Variants in ADAMTSL1 observed in about 807,000 individuals in gnomAD.
ADAMTSL1 encodes ADAMTS like 1, also known as ADAMTS-like protein 1.
A neutral mutation model predicts 201.8 loss-of-function variants in ADAMTSL1; 126 were observed. That is an observed-to-expected ratio of 0.62 (90% CI 0.54 to 0.72). The LOEUF (loss-of-function observed/expected upper bound fraction) is 0.72. ADAMTSL1 is among the 30% of genes least tolerant of loss of function. The probability of loss-of-function intolerance (pLI) is 0.00; values close to 1 mark genes in which losing one functional copy is unlikely to be tolerated. For synonymous variants in ADAMTSL1, 1,121 were observed against 903.4 expected (o/e 1.24, Z -4.32); for missense variants, 2,679 against 2,277.8 (o/e 1.18, Z -3.59).
At chr9:18,095,416 CTTTTTTTTTTTTTTTTT>C (rs35164794) in intron 1 of ADAMTSL1, among the ~76,000 whole-genome samples, 2 of 100,128 alleles carry the variant, frequency 2.0e-5, no homozygotes, top group Non-Finnish European at 4.0e-5. Flanking sequence ...TTCTTTCTTT[CTTTTTTTTTTTTTTTTT>C]TTTTTTTGAC....
At chr9:18,723,797 A>G (rs1817695758) in intron 15 of ADAMTSL1, 1 of 152,240 alleles carries the variant, frequency 6.6e-6, no homozygotes, top group South Asian at 2.1e-4. Context: ...TCCCCCTAAA[A>G]ATGATAATTG....
At chr9:17,951,427 G>A (rs1827723866) in intron 1 of ADAMTSL1, among the ~76,000 whole-genome samples, 2 of 152,092 alleles carry the variant, frequency 1.3e-5, no homozygotes, top group African/African-American at 2.4e-5. Flanking sequence ...CCAAGTGGTT[G>A]TATTCTTACC....
intron 4 of ADAMTSL1, among the ~76,000 whole-genome samples, chr9:18,589,482 C>G (rs943691634): frequency 2.0e-5 from 3 of 152,088 alleles, no homozygotes; most frequent in Admixed American, 2.0e-4. Context: ...GGGGAAAATT[C>G]TGGGGTTTTT....
intron 1 of ADAMTSL1, among the ~76,000 whole-genome samples, chr9:18,108,196 ATTTTTTT>A (rs5896770): frequency 0.057 from 7,220 of 125,590 alleles, 523 homozygotes; most frequent in African/African-American, 0.19. Flanking sequence ...AGAGTGTGGA[ATTTTTTT>A]TTTTTTTTTT....
chr9:18,123,714 G>A (rs1177196723), intron 1 of ADAMTSL1, among the ~76,000 whole-genome samples: 4 of 152,144 alleles, frequency 2.6e-5, no homozygotes, highest in Non-Finnish European at 5.9e-5. Flanking sequence ...CATAATTTTA[G>A]AACATTGCTG....
intron 2 of ADAMTSL1, among the ~76,000 whole-genome samples, chr9:18,311,478 A>G (rs954886707): frequency 2.0e-5 from 3 of 152,174 alleles, no homozygotes; most frequent in African/African-American, 7.2e-5. Flanking sequence ...CAAGGGTAGT[A>G]GCTGCCCAGT....
rs369227076 is a variant in ADAMTSL1 at position 17,907,665 on chromosome 9, C to G, written c.87+743C>G. Among the ~76,000 whole-genome samples the G allele has an allele frequency of 1.1e-3, 170 of 152,290 alleles. 2 individuals carry two copies. In the South Asian group the frequency reaches 0.014, roughly 13 times the overall value. ...GCGGAAGGGCCCTGGGAGAGGGTGT[C>G]TGATTAATTCAGTTTGCCTGGTAGT... is the stretch of plus-strand genomic sequence containing the variant. On this transcript the variant is annotated intron_variant, in intron 1 of 29. Coordinates refer to the ADAMTSL1 transcript ENST00000680146.
At chr9:17,929,076 C>T (rs1027503346) in intron 1 of ADAMTSL1, among the ~76,000 whole-genome samples, 2 of 151,924 alleles carry the variant, frequency 1.3e-5, no homozygotes, top group African/African-American at 4.8e-5. Context: ...TGGGTTAATG[C>T]CAATTAACCA....
At chr9:18,242,027 T>C (rs2132452667) in intron 2 of ADAMTSL1, among the ~76,000 whole-genome samples, 1 of 152,218 alleles carries the variant, frequency 6.6e-6, no homozygotes, top group Non-Finnish European at 1.5e-5. Flanking sequence ...CACCATCACC[T>C]TGATACCTAA....
chr9:17,954,263 C>G (rs1827844679), intron 1 of ADAMTSL1, among the ~76,000 whole-genome samples: 1 of 152,190 alleles, frequency 6.6e-6, no homozygotes, highest in Admixed American at 6.5e-5. Flanking sequence ...CACAAAGCTT[C>G]TTGTAACCTG....
At chr9:18,251,526 C>T (rs182251279) in intron 2 of ADAMTSL1, among the ~76,000 whole-genome samples, 1 of 152,066 alleles carries the variant, frequency 6.6e-6, no homozygotes, top group Admixed American at 6.6e-5. Flanking sequence ...AAATGCTTAT[C>T]CTTTAAAGTT....
Position 18,099,326 on chromosome 9 carries a change from AATATAT to A in ADAMTSL1, c.88-64511_88-64506del, listed in dbSNP as rs71333027. ...TGTTTTTGCTTTGCTGCAAATGGAA[AATATAT>A]ATATATATATATATATATATATATT... On this transcript the variant is annotated intron_variant, in intron 1 of 29. Coordinates refer to the ADAMTSL1 transcript ENST00000680146. Among the ~76,000 whole-genome samples the A allele has an allele frequency of 8.6e-3, 497 of 57,570 alleles. 24 individuals carry two copies. The highest frequency in any genetic ancestry group is 0.038 in the African/African-American group (470 of 12,398). 37.8% of individuals were successfully genotyped at this position (57,570 alleles called of 152,430 possible).
intron 2 of ADAMTSL1, among the ~76,000 whole-genome samples, chr9:18,369,993 C>G (rs1836969506): frequency 6.6e-6 from 1 of 151,994 alleles, no homozygotes; most frequent in East Asian, 1.9e-4. Context: ...ATAATAGATA[C>G]TGGGGGCTGG....
chr9:18,671,385 G>T (rs1193487043), intron 9 of ADAMTSL1, among the ~76,000 whole-genome samples: 1 of 152,180 alleles, frequency 6.6e-6, no homozygotes, highest in Admixed American at 6.5e-5. Flanking sequence ...AGCAGAGTAG[G>T]CTGGATTGAT....
intron 2 of ADAMTSL1, among the ~76,000 whole-genome samples, chr9:18,380,375 A>T (rs1254250534): frequency 6.6e-6 from 1 of 152,240 alleles, no homozygotes; most frequent in African/African-American, 2.4e-5. Flanking sequence ...TGAACGGAAG[A>T]TATGAAATAA....
At chr9:18,570,853 A>G (rs555414483) in intron 3 of ADAMTSL1, among the ~76,000 whole-genome samples, 55 of 152,336 alleles carry the variant, frequency 3.6e-4, no homozygotes, top group African/African-American at 1.3e-3. Flanking sequence ...GCTCATAAGC[A>G]TTATTCTTCT....
rs755289671 is a variant in ADAMTSL1, at chr9:18,777,373, G to A, written c.3144G>A (p.Ala1048=). 6.9e-6 allele frequency: 11 copies of A among 1,602,180 alleles called. No individual in the cohort carries two copies. The highest frequency in any genetic ancestry group is 3.4e-5 in the Admixed American group (2 of 58,502). The change falls in exon 19 of 29, where the codon GCG becomes GCA. Residue 1048 remains alanine, a synonymous_variant. Coordinates refer to ENST00000380548, the MANE Select transcript of ADAMTSL1 (RefSeq NM_001040272.6). ...LLASWEAQDS[A]ERNTTSEEDP... is the part of the protein sequence containing the mutation. ...CCTCGTGGGAGGCGCAGGACTCTGC[G>A]GAAAGGAACACGACCTCGGAGGAGG...
intron 2 of ADAMTSL1, among the ~76,000 whole-genome samples, chr9:18,397,568 G>A (rs542746267): frequency 6.6e-6 from 1 of 152,222 alleles, no homozygotes; most frequent in African/African-American, 2.4e-5. Context: ...ATCGGTACTG[G>A]TGGAGGAAAG....
At chr9:18,239,576 T>A (rs977720864) in intron 2 of ADAMTSL1, among the ~76,000 whole-genome samples, 1 of 151,886 alleles carries the variant, frequency 6.6e-6, no homozygotes, top group African/African-American at 2.4e-5. Flanking sequence ...TGGTCTCTAC[T>A]GAAAATAGAA....
Sources: gnomAD v4.1 joint callset for allele counts (sites outside exome capture counted in the v4.1 genomes callset) on GRCh38, gnomAD v4.1.1 for gene constraint, MANE v1.5 for transcripts, NCBI Gene and HGNC (gene_info 2026-07-23, HGNC 2026-07-21) for gene names.